Variants in DEK observed in about 807,000 individuals in gnomAD.
The protein encoded by DEK is protein DEK.
DEK carries 28 observed loss-of-function variants against 46.8 expected under a neutral mutation model. That is an observed-to-expected ratio of 0.60 (90% CI 0.44 to 0.82). The LOEUF is 0.82. Among genes scored for constraint, DEK ranks in the 40% least tolerant of loss-of-function variants. The pLI, the probability that DEK is intolerant of heterozygous loss-of-function variation, is 0.00. For synonymous variants in DEK, 160 were observed against 144.5 expected, an observed-to-expected ratio of 1.11 and a Z score of -0.77; for missense variants, 416 against 430.6, an observed-to-expected ratio of 0.97 and a Z score of 0.30.
At chr6:18,244,270 G>A (rs544797641) in intron 7 of DEK, among the ~76,000 whole-genome samples, 1 of 152,214 alleles carries the variant, frequency 6.6e-6, no homozygotes, top group South Asian at 2.1e-4. Context: ...GTTCAATCAG[G>A]ACCATCAACT....
At chr6:18,233,443 A>T (rs1192716363) in intron 9 of DEK, among the ~76,000 whole-genome samples, 2 of 152,224 alleles carry the variant, frequency 1.3e-5, no homozygotes, top group Non-Finnish European at 2.9e-5. Context: ...AATTTTTGCA[A>T]TCTACTCATC....
At chr6:18,251,377 G>C (rs1330710176) in intron 6 of DEK, among the ~76,000 whole-genome samples, 2 of 152,076 alleles carry the variant, frequency 1.3e-5, no homozygotes, top group African/African-American at 4.8e-5. Flanking sequence ...TCCAGTCTAG[G>C]GGTCACTGTC....
At chr6:18,249,575 G>T in intron 7 of DEK, 76 bp downstream of exon 7, 1 of 1,426,528 alleles carries the variant, frequency 7.0e-7, no homozygotes, top group Non-Finnish European at 9.2e-7. Context: ...AGTGTTTTCT[G>T]GCTGTACCTT....
At chr6:18,231,139 A>T (rs931612114) in intron 9 of DEK, among the ~76,000 whole-genome samples, 3 of 152,196 alleles carry the variant, frequency 2.0e-5, no homozygotes, top group African/African-American at 7.2e-5. Flanking sequence ...AACAAAATGA[A>T]GGCAGAAATA....
chr6:18,259,920 C>T (rs949281292), intron 2 of DEK, among the ~76,000 whole-genome samples: 1 of 152,182 alleles, frequency 6.6e-6, no homozygotes, highest in Admixed American at 6.5e-5. Context: ...ACTAAAACAA[C>T]CCCTACTATC....
rs149153020 is a variant in DEK at position 18,263,973 on chromosome 6, G to A, written c.15C>T (p.Ala5=). The part of the protein sequence containing the change: MSAS[A]PAAEGEGTPT... The stretch of plus-strand genomic sequence containing the variant: ...GGGTTCCCTCCCCCTCCGCAGCAGG[G>A]GCCGAGGCGGACATGCTGTGAACCT... Residue 5 remains alanine (A), a synonymous_variant, in exon 2 of 11, where the codon GCC becomes GCT. Coordinates refer to ENST00000652689, the MANE Select transcript of DEK (RefSeq NM_003472.4). The A allele has an allele frequency of 1.1e-5, 18 of 1,610,660 alleles. No homozygotes were observed. The highest frequency in any genetic ancestry group is 2.7e-5 in the African/African-American group (2 of 74,600).
chr6:18,244,947 A>G (rs1029754262), intron 7 of DEK, among the ~76,000 whole-genome samples: 2 of 152,198 alleles, frequency 1.3e-5, no homozygotes, highest in Admixed American at 1.3e-4. Flanking sequence ...CCAAATAGAT[A>G]GTTTACCAAA....
chr6:18,247,272 G>A (rs1412981852), intron 7 of DEK, among the ~76,000 whole-genome samples: 1 of 150,980 alleles, frequency 6.6e-6, no homozygotes, highest in African/African-American at 2.4e-5. Flanking sequence ...ATTTATCAGG[G>A]AAAAAAAAGG....
At chr6:18,235,659 A>AT (rs931895721) in intron 9 of DEK, among the ~76,000 whole-genome samples, 1 of 151,716 alleles carries the variant, frequency 6.6e-6, no homozygotes, top group Non-Finnish European at 1.5e-5. Context: ...ATTAAAAAAA[A>AT]TTTTTTTTTG....
intron 9 of DEK, among the ~76,000 whole-genome samples, chr6:18,228,658 T>C (rs991698082): frequency 6.6e-6 from 1 of 152,076 alleles, no homozygotes; most frequent in African/African-American, 2.4e-5. Flanking sequence ...ACCTGGAAAA[T>C]TGGGTCACTC....
chr6:18,231,934 T>A (rs1004638960), intron 9 of DEK, among the ~76,000 whole-genome samples: 1 of 152,110 alleles, frequency 6.6e-6, no homozygotes, highest in Non-Finnish European at 1.5e-5. Flanking sequence ...CAGACCAATA[T>A]CCCTGATGAA....
At chr6:18,254,238 G>A (rs1381395167) in intron 6 of DEK, among the ~76,000 whole-genome samples, 1 of 152,126 alleles carries the variant, frequency 6.6e-6, no homozygotes, top group African/African-American at 2.4e-5. Flanking sequence ...GACTGAGGCA[G>A]AAGAATTGCT....
chr6:18,239,671 T>C (rs552214494), intron 7 of DEK, among the ~76,000 whole-genome samples: 6 of 152,296 alleles, frequency 3.9e-5, no homozygotes, highest in South Asian at 2.1e-4. Flanking sequence ...CCATGGACTT[T>C]TGCGATTTAC....
chr6:18,248,034 G>C (rs968116051), intron 7 of DEK, among the ~76,000 whole-genome samples: 1 of 152,108 alleles, frequency 6.6e-6, no homozygotes, highest in Admixed American at 6.5e-5. Context: ...AGTTTTACTT[G>C]TCATAAAACA....
intron 9 of DEK, among the ~76,000 whole-genome samples, chr6:18,227,785 G>A (rs1289626325): frequency 6.6e-6 from 1 of 152,182 alleles, no homozygotes; most frequent in Non-Finnish European, 1.5e-5. Flanking sequence ...ACAGAACTAA[G>A]TTCTTTATGT....
intron 6 of DEK, among the ~76,000 whole-genome samples, chr6:18,250,249 C>G (rs975987874): frequency 5.3e-5 from 8 of 152,276 alleles, no homozygotes; most frequent in African/African-American, 1.9e-4. Context: ...GCGGGCAGAT[C>G]ATGAGGTCAG....
chr6:18,259,220 C>T (rs1791733481), intron 2 of DEK, among the ~76,000 whole-genome samples: 1 of 150,872 alleles, frequency 6.6e-6, no homozygotes, highest in Non-Finnish European at 1.5e-5. Context: ...TGGTGAAACC[C>T]CATCTCTACT....
chr6:18,239,352 TTTTTTTTTTA>T (rs1431611331), intron 7 of DEK, among the ~76,000 whole-genome samples: 2 of 144,518 alleles, frequency 1.4e-5, no homozygotes, highest in South Asian at 2.2e-4. Context: ...TTTTTTTTTT[TTTTTTTTTTA>T]AAAAAAAGAG....
chr6:18,237,427 T>C lies in DEK; in HGVS notation c.852A>G (p.Lys284=). ...TCTTCTTGGTGGTGCTGCTATCTGC[T>C]TTCTTAACATTGGCACTTTTCACAG... The part of the protein sequence containing the change: ...KKSVKSANVK[K]ADSSTTKKNQ... Residue 284 remains lysine, a synonymous_variant, in exon 8 of 11, where the codon AAA becomes AAG. Coordinates refer to ENST00000652689, the MANE Select transcript of DEK (RefSeq NM_003472.4). The C allele has an allele frequency of 4.3e-6, 7 of 1,610,950 alleles. No individual in the cohort carries two copies. The highest frequency in any genetic ancestry group is 5.1e-6 in the Non-Finnish European group (6 of 1,179,428).
Sources: gnomAD v4.1 joint callset for allele counts (sites outside exome capture counted in the v4.1 genomes callset) on GRCh38, gnomAD v4.1.1 for gene constraint, MANE v1.5 for transcripts, NCBI Gene and HGNC (gene_info 2026-07-23, HGNC 2026-07-21) for gene names.